DHTKD1: variants seen among roughly 807,000 people sequenced by gnomAD.
The protein encoded by DHTKD1 is dehydrogenase E1 and transketolase domain containing 1.
A neutral mutation model predicts 101.8 loss-of-function variants in DHTKD1; 78 were observed. The ratio of observed to expected loss-of-function variants is 0.77; its 90% CI spans 0.64 to 0.93. The LOEUF (loss-of-function observed/expected upper bound fraction) is 0.93. Among genes scored for constraint, DHTKD1 ranks in the 40% least tolerant of loss-of-function variants. The probability of loss-of-function intolerance (pLI) is 0.00; values close to 1 mark genes in which losing one functional copy is unlikely to be tolerated. For synonymous variants in DHTKD1, 462 were observed against 450.3 expected (o/e 1.03, Z -0.33); for missense variants, 1,223 against 1,161.7 (o/e 1.05, Z -0.77).
rs764312027 is a variant in DHTKD1, at chr10:12,108,055, T to C, written c.2154+40T>C. The C allele has an allele frequency of 4.0e-6, 6 of 1,501,788 alleles. No homozygotes were observed. The African/African-American group carries it at 5.5e-5, about 14-fold the overall frequency. The allele number at this position is 1,501,788 out of a possible 1,614,324, so 93.0% of individuals were successfully genotyped here. A position where few individuals can be genotyped will look rare whatever the true frequency, so the allele number is the denominator to read the frequency against. ...TTCCGGAGTCAATGAATCATTTTCC[T>C]GCTTCCTAGAGCTTTTCTACCTCCT... is the stretch of plus-strand genomic sequence containing the variant. On this transcript the variant is annotated intron_variant, in intron 12 of 16. Transcript: ENST00000263035.
At chr10:12,095,353 A>G (rs1441213453) in intron 7 of DHTKD1, among the ~76,000 whole-genome samples, 3 of 152,220 alleles carry the variant, frequency 2.0e-5, no homozygotes, top group African/African-American at 2.4e-5. Context: ...TGGAAATGAC[A>G]ATATAATGAG....
chr10:12,120,727 C>A (rs1833513883), intron 16 of DHTKD1, 60 bp from the exon 17 acceptor site: 1 of 1,412,188 alleles, frequency 7.1e-7, no homozygotes, highest in East Asian at 2.3e-5. Context: ...CTTGTTGGAA[C>A]TAAGCAGAGC....
intron 13 of DHTKD1, among the ~76,000 whole-genome samples, chr10:12,115,693 G>C (rs1477583526): frequency 6.6e-6 from 1 of 152,162 alleles, no homozygotes; most frequent in Non-Finnish European, 1.5e-5. Context: ...GACCTCATAA[G>C]CCTGGAAGCA....
intron 10 of DHTKD1, among the ~76,000 whole-genome samples, chr10:12,102,155 G>A (rs1833180695): frequency 6.6e-6 from 1 of 152,034 alleles, no homozygotes; most frequent in Non-Finnish European, 1.5e-5. Context: ...GCCGGGTGTG[G>A]TGGTTCACGC....
rs747287434 is a variant in DHTKD1, at chr10:12,117,697, A to G, written c.2344A>G (p.Met782Val). The G allele has an allele frequency of 1.2e-6, 2 of 1,607,426 alleles. No homozygotes were observed. Among genetic ancestry groups the G allele is most frequent in the East Asian group, 4.5e-5 (2 of 44,520 alleles). Residue 782 changes from methionine (M) to valine (V), a missense_variant, in exon 14 of 17, where the codon ATG becomes GTG. Met to Val is a conservative substitution (Grantham distance 21). Coordinates refer to ENST00000263035, the MANE Select transcript of DHTKD1 (RefSeq NM_018706.7). ...GGCAGCCGTGTCAACTCTTCAAGAA[A>G]TGGCACCAGGAACAACATTTAACCC... The part of the protein sequence containing the change: ...LPAAVSTLQE[M>V]APGTTFNPVI...
At chr10:12,101,728 C>T (rs1833174111) in intron 10 of DHTKD1, among the ~76,000 whole-genome samples, 1 of 152,060 alleles carries the variant, frequency 6.6e-6, no homozygotes, top group East Asian at 1.9e-4. Context: ...TTCAGCCTCC[C>T]GAGTAGCTGG....
chr10:12,117,582 TTTG>T, intron 13 of DHTKD1, 88 bp from the exon 14 acceptor site: 1 of 795,518 alleles, frequency 1.3e-6, no homozygotes, highest in Non-Finnish European at 2.2e-6. Flanking sequence ...AGGCTAGAAC[TTTG>T]GTACTCGTGT....
rs1588614570 is a variant in DHTKD1, at chr10:12,103,497, G to C, written c.1896+2316G>C. 7.4e-6 allele frequency among the ~76,000 whole-genome samples: 1 copy of C among 135,128 alleles called. No homozygotes were observed. Among genetic ancestry groups the C allele is most frequent in the Non-Finnish European group, 1.6e-5 (1 of 64,328 alleles). 88.6% of individuals were successfully genotyped at this position (135,128 alleles called of 152,430 possible). On this transcript the variant is annotated intron_variant, in intron 10 of 16. Transcript: ENST00000263035. This position sits in a 1 kb window ranked among gnomAD's most constrained non-coding sequence, Gnocchi z 4.8. Reference sequence around the variant, plus strand: ...CTTCGTTGTACATCTCAATCTGTGTGTGTGTGTGTGTGTGTGTGTGTGTGT... The same window carrying C: ...CTTCGTTGTACATCTCAATCTGTGTCTGTGTGTGTGTGTGTGTGTGTGTGT...
intron 1 of DHTKD1, among the ~76,000 whole-genome samples, chr10:12,073,746 C>T (rs1832684315): frequency 6.6e-6 from 1 of 152,200 alleles, no homozygotes; most frequent in Non-Finnish European, 1.5e-5. Context: ...ATGCGTGCAT[C>T]CCCACCAGGC....
intron 1 of DHTKD1, among the ~76,000 whole-genome samples, chr10:12,071,653 C>T (rs1056599441): frequency 1.3e-5 from 2 of 151,862 alleles, no homozygotes; most frequent in Non-Finnish European, 2.9e-5. Flanking sequence ...TGGGGCCAGG[C>T]ACAGTGACTC....
At position 12,121,928 on chromosome 10, in the gene DHTKD1, A is replaced by G. The variant is rs564350399; in HGVS notation, c.*1040A>G. ...GAGATGACCTCAACACTGCCTCTTG[A>G]TTTGTTTGATGCATGTCACTTTCAT... On this transcript the variant is annotated 3_prime_UTR_variant, in exon 17 of 17. Transcript: ENST00000263035. 1 of 152,166 alleles carries G rather than the reference A, an allele frequency of 6.6e-6. No homozygotes were observed. The highest frequency in any genetic ancestry group is 1.5e-5 in the Non-Finnish European group (1 of 68,000). The allele number at this position is 152,166 out of a possible 1,614,324, so 9.4% of individuals were successfully genotyped here.
rs775780628 is a variant in DHTKD1 at position 12,094,250 on chromosome 10, C to G, written c.1337C>G (p.Pro446Arg). 9 of 1,613,970 alleles carry G rather than the reference C, an allele frequency of 5.6e-6. No homozygotes were observed. The highest frequency in any genetic ancestry group is 1.3e-5 in the African/African-American group (1 of 74,922). Residue 446 changes from proline to arginine, a missense_variant, in exon 7 of 17, where the codon CCC (proline) becomes CGC (arginine). Coordinates refer to ENST00000263035, the MANE Select transcript of DHTKD1 (RefSeq NM_018706.7). ...CTGGATGAGCCATTCTACACCAACC[C>G]CATCATGTACAAAATCATCAGGTAC... Reference protein sequence around the residue: ...NELDEPFYTNPIMYKIIRARK... With the variant: ...NELDEPFYTNRIMYKIIRARK...
At chr10:12,069,786 G>T (rs1480905602) in intron 1 of DHTKD1, among the ~76,000 whole-genome samples, 7 of 143,224 alleles carry the variant, frequency 4.9e-5, no homozygotes, top group Non-Finnish European at 1.1e-4. Flanking sequence ...TGATCCTGCA[G>T]CCTCGGCCTC....
At chr10:12,095,089 C>A (rs1355458967) in intron 7 of DHTKD1, among the ~76,000 whole-genome samples, 1 of 152,168 alleles carries the variant, frequency 6.6e-6, no homozygotes, top group Admixed American at 6.6e-5. Context: ...AGAAATAGAA[C>A]CTCAGTGATT....
chr10:12,081,436 A>G, intron 1 of DHTKD1, 36 bp from the exon 2 acceptor site: 1 of 1,597,562 alleles, frequency 6.3e-7, no homozygotes, highest in Non-Finnish European at 8.6e-7. Context: ...GTCATCTCCT[A>G]AACTGTTTGC....
At chr10:12,102,919 C>T (rs1003518064) in intron 10 of DHTKD1, among the ~76,000 whole-genome samples, 15 of 151,880 alleles carry the variant, frequency 9.9e-5, no homozygotes, top group African/African-American at 2.7e-4. Flanking sequence ...CACGCCTGGC[C>T]GAAGATTTAA....
intron 6 of DHTKD1, among the ~76,000 whole-genome samples, chr10:12,093,089 G>A (rs1274537122): frequency 4.1e-5 from 6 of 146,702 alleles, no homozygotes; most frequent in Non-Finnish European, 8.9e-5. Context: ...TGTTGCCCAC[G>A]CTGCAGTGCA....
chr10:12,088,547 T>G (rs1832938828), intron 4 of DHTKD1, among the ~76,000 whole-genome samples: 1 of 152,102 alleles, frequency 6.6e-6, no homozygotes, highest in Admixed American at 6.6e-5. Flanking sequence ...TTTAGTTAAT[T>G]GACAGAGTTG....
At chr10:12,109,685 T>A (rs983514442) in intron 12 of DHTKD1, among the ~76,000 whole-genome samples, 1 of 151,936 alleles carries the variant, frequency 6.6e-6, no homozygotes, top group Non-Finnish European at 1.5e-5. Context: ...AGTGTCAGTG[T>A]CAATTAAGAT....
Sources: allele counts gnomAD v4.1 joint callset (sites outside exome capture counted in the v4.1 genomes callset), GRCh38; gene constraint gnomAD v4.1.1; non-coding constraint Gnocchi (gnomAD v3.1); transcripts MANE v1.5; gene names NCBI Gene and HGNC (gene_info 2026-07-23, HGNC 2026-07-21).